Variants in CEP128 observed in about 807,000 individuals in gnomAD.
CEP128 encodes the protein centrosomal protein 128kDa.
Under a neutral mutation model 156.7 loss-of-function variants are expected in CEP128, and 132 were observed. The observed-to-expected ratio is 0.84, with a 90% CI of 0.73 to 0.97. The LOEUF (loss-of-function observed/expected upper bound fraction) is 0.97, where lower values mean the gene tolerates loss of function less well. Ranked by LOEUF, CEP128 falls within the 50% of genes least tolerant of loss-of-function variation. The pLI is 0.00. For missense variants in CEP128, 1,252 were observed against 1,281.9 expected (o/e 0.98, Z 0.36); for synonymous variants, 469 against 448.9 (o/e 1.04, Z -0.57).
At chr14:80,754,988 T>A (rs1305005146) in intron 18 of CEP128, among the ~76,000 whole-genome samples, 1 of 152,164 alleles carries the variant, frequency 6.6e-6, no homozygotes, top group East Asian at 1.9e-4. Context: ...ATACAAAGTA[T>A]TGAGCCTGGG....
At position 80,838,296 on chromosome 14, in the gene CEP128, G is replaced by C; in HGVS notation, c.850-18C>G. 2 of 1,596,308 alleles carry C rather than the reference G, an allele frequency of 1.3e-6. No homozygotes were observed. Among genetic ancestry groups the C allele is most frequent in the Non-Finnish European group, 1.7e-6 (2 of 1,166,060 alleles). On this transcript the variant is annotated intron_variant, in intron 10 of 24. Coordinates refer to ENST00000555265, the MANE Select transcript of CEP128 (RefSeq NM_152446.5). ...TGTTCAAGCTAGAGTTTCAACAAAG[G>C]ATAAAGAAAAATGCCCAATGGAGCA...
In CEP128 at chr14:80,597,728, T is replaced by C. The variant is rs549784143; in HGVS notation, c.2807-17305A>G. ...TTAGCAAATAGAATTTAGCAACTTA[T>C]AATAAGAATTATGTAACATGACCAT... On this transcript the variant is annotated intron_variant, in intron 19 of 24. Coordinates refer to ENST00000555265, the MANE Select transcript of CEP128 (RefSeq NM_152446.5). 3.9e-5 allele frequency among the ~76,000 whole-genome samples: 6 copies of C among 151,924 alleles called. No individual in the cohort carries two copies. In the East Asian group the frequency reaches 1.2e-3, roughly 29 times the overall value.
chr14:80,876,785 T>C (rs1191620913), intron 8 of CEP128, among the ~76,000 whole-genome samples: 29 of 152,158 alleles, frequency 1.9e-4, no homozygotes, highest in Admixed American at 1.9e-3. Flanking sequence ...AGAGAAGATT[T>C]TTCACCAAAG....
intron 19 of CEP128, among the ~76,000 whole-genome samples, chr14:80,602,187 A>G (rs1024373811): frequency 2.0e-5 from 3 of 152,228 alleles, no homozygotes; most frequent in African/African-American, 7.2e-5. Context: ...GTCTCAAAAC[A>G]CATGACAGAA....
At chr14:80,729,537 G>A (rs1224126858) in intron 19 of CEP128, among the ~76,000 whole-genome samples, 2 of 151,940 alleles carry the variant, frequency 1.3e-5, no homozygotes, top group Non-Finnish European at 2.9e-5. Context: ...ATTCCCTCTG[G>A]GTAGATGCCC....
intron 13 of CEP128, among the ~76,000 whole-genome samples, chr14:80,805,714 C>T (rs2139913839): frequency 6.6e-6 from 1 of 152,216 alleles, no homozygotes; most frequent in South Asian, 2.1e-4. Flanking sequence ...TGAACTGATA[C>T]TGAGAGCACA....
intron 9 of CEP128, among the ~76,000 whole-genome samples, chr14:80,857,933 A>C (rs1316421657): frequency 6.6e-6 from 1 of 152,210 alleles, no homozygotes; most frequent in Non-Finnish European, 1.5e-5. Context: ...CAATGTATGA[A>C]GGTCCTTACC....
rs561209496 is a variant in CEP128, at chr14:80,666,600, A to ACAGATAT, written c.2806+76474_2806+76475insATATCTG. ...ACACCATCACTCATTCATTGATTCT[A>ACAGATAT]CAGATGTCTGTTGAGAGCCTACTGC... On this transcript the variant is annotated intron_variant, in intron 19 of 24. Transcript: ENST00000555265. 4.6e-5 allele frequency among the ~76,000 whole-genome samples: 7 copies of ACAGATAT among 152,312 alleles called. No individual in the cohort carries two copies. The South Asian group carries it at 1.2e-3, about 27-fold the overall frequency.
At chr14:80,918,462 A>G (rs1349097699) in intron 2 of CEP128, among the ~76,000 whole-genome samples, 1 of 152,216 alleles carries the variant, frequency 6.6e-6, no homozygotes, top group South Asian at 2.1e-4. Context: ...TTTAATTCTC[A>G]TAACAACTTA....
rs1037738290 is a variant in CEP128 at position 80,831,141 on chromosome 14, A to G, written c.1209+2T>C. 6.2e-7 allele frequency: 1 copy of G among 1,613,696 alleles called. No individual in the cohort carries two copies. Among genetic ancestry groups the G allele is most frequent in the Non-Finnish European group, 8.5e-7 (1 of 1,179,660 alleles). ...AATATGACTTAAAAAGAGCAAAGTC[A>G]CCTCTACTTGTGATGCCAAATGTGC... On this transcript the variant is annotated splice_donor_variant, in intron 13 of 24. Coordinates refer to ENST00000555265, the MANE Select transcript of CEP128 (RefSeq NM_152446.5). LOFTEE classifies it high-confidence loss of function.
At chr14:80,513,464 T>A (rs947168950) in intron 23 of CEP128, among the ~76,000 whole-genome samples, 9 of 152,204 alleles carry the variant, frequency 5.9e-5, no homozygotes, top group African/African-American at 2.2e-4. Flanking sequence ...TTAAATTTAC[T>A]TGGTGTTCTA....
intron 13 of CEP128, among the ~76,000 whole-genome samples, chr14:80,811,709 G>A (rs551775009): frequency 5.3e-5 from 8 of 150,492 alleles, no homozygotes; most frequent in African/African-American, 1.9e-4. Flanking sequence ...GTGTGTTTGA[G>A]AGTGTGGGTG....
At chr14:80,586,426 T>C (rs1259291178) in intron 19 of CEP128, among the ~76,000 whole-genome samples, 2 of 152,200 alleles carry the variant, frequency 1.3e-5, no homozygotes, top group Non-Finnish European at 2.9e-5. Flanking sequence ...AGCTAGTTAA[T>C]GGTGTATCAA....
At chr14:80,759,905 T>TA (rs1899870344) in intron 17 of CEP128, among the ~76,000 whole-genome samples, 2 of 54,614 alleles carry the variant, frequency 3.7e-5, no homozygotes, top group African/African-American at 7.8e-5. Flanking sequence ...TGCATATATA[T>TA]AGGTGTGTGT....
intron 19 of CEP128, among the ~76,000 whole-genome samples, chr14:80,692,163 A>C (rs1225278535): frequency 6.6e-6 from 1 of 152,204 alleles, no homozygotes; most frequent in African/African-American, 2.4e-5. Flanking sequence ...ATCCAGCCAG[A>C]AAGATGGATC....
At chr14:80,539,640 C>G (rs1467613963) in intron 21 of CEP128, among the ~76,000 whole-genome samples, 1 of 152,040 alleles carries the variant, frequency 6.6e-6, no homozygotes, top group African/African-American at 2.4e-5. Context: ...TGAAAAAGAA[C>G]AGAACAGCAG....
At chr14:80,490,323 G>A (rs1322517670), downstream of CEP128, among the ~76,000 whole-genome samples, 2 of 152,088 alleles carry the variant, frequency 1.3e-5, no homozygotes, top group African/African-American at 4.8e-5. Flanking sequence ...ATATGGAAAT[G>A]TTACTCTGAA....
intron 19 of CEP128, among the ~76,000 whole-genome samples, chr14:80,717,517 G>A (rs1897650910): frequency 6.6e-6 from 1 of 152,160 alleles, no homozygotes; most frequent in South Asian, 2.1e-4. Flanking sequence ...ATCAGAAGGG[G>A]TAAATGGGGG....
intron 12 of CEP128, among the ~76,000 whole-genome samples, chr14:80,833,313 T>G (rs1161626918): frequency 6.6e-6 from 1 of 151,704 alleles, no homozygotes; most frequent in Non-Finnish European, 1.5e-5. Context: ...TATACATATA[T>G]GTATACTTTA....
Sources: allele counts gnomAD v4.1 joint callset (sites outside exome capture counted in the v4.1 genomes callset), GRCh38; gene constraint gnomAD v4.1.1; transcripts MANE v1.5; gene names NCBI Gene and HGNC (gene_info 2026-07-23, HGNC 2026-07-21).